The following ZCCHC7 variants were observed in gnomAD, a reference collection of about 807,000 sequenced individuals.
The protein encoded by ZCCHC7 is zinc finger CCHC-type containing 7.
ZCCHC7 carries 35 observed loss-of-function variants against 52.0 expected under a neutral mutation model. That is an observed-to-expected ratio of 0.67 (90% CI 0.51 to 0.89). ZCCHC7 has a LOEUF of 0.89. Ranked by LOEUF, ZCCHC7 falls within the 40% of genes least tolerant of loss-of-function variation. The pLI is 0.00. For missense variants in ZCCHC7, 574 were observed against 649.1 expected (o/e 0.88, Z 1.26); for synonymous variants, 217 against 221.5 (o/e 0.98, Z 0.18).
In ZCCHC7 at chr9:37,311,727, G is replaced by A. The variant is rs116044856; in HGVS notation, c.951+6013G>A. 4.8e-3 allele frequency among the ~76,000 whole-genome samples: 737 copies of A among 152,206 alleles called. 3 individuals carry two copies. Among genetic ancestry groups the A allele is most frequent in the African/African-American group, 0.017 (702 of 41,536 alleles). The stretch of plus-strand genomic sequence containing the variant: ...CGCCCGGCCTTTTTACTTTTTTGAT[G>A]CTAGAAAAATGCTCCCATATCAGCC... On this transcript the variant is annotated intron_variant, in intron 5 of 8. Coordinates refer to ENST00000336755, the MANE Select transcript of ZCCHC7 (RefSeq NM_032226.3).
At chr9:37,200,205 A>G (rs1823561342) in intron 2 of ZCCHC7, among the ~76,000 whole-genome samples, 1 of 150,064 alleles carries the variant, frequency 6.7e-6, no homozygotes, top group African/African-American at 2.5e-5. Context: ...TTTCTTCTCC[A>G]TGTTCACTTC....
chr9:37,142,525 AG>A lies in ZCCHC7; in HGVS notation c.610+15584del, dbSNP rs1843272903. ...TTCTTTATTTTTGCTATTATTTTCT[AG>A]TTACTGTGCTTCACATTTTGATTTC... On this transcript the variant is annotated intron_variant, in intron 2 of 8. Transcript: ENST00000336755. 4.0e-5 allele frequency among the ~76,000 whole-genome samples: 6 copies of A among 151,784 alleles called. No individual in the cohort carries two copies. In the South Asian group the frequency reaches 1.2e-3, roughly 31 times the overall value.
At chr9:37,261,555 T>C (rs1466450886) in intron 2 of ZCCHC7, among the ~76,000 whole-genome samples, 6 of 152,208 alleles carry the variant, frequency 3.9e-5, no homozygotes, top group Admixed American at 3.9e-4. Flanking sequence ...ACTGATTCCT[T>C]GTGTTCTCAG....
At chr9:37,296,109 T>A (rs962976966) in intron 2 of ZCCHC7, among the ~76,000 whole-genome samples, 7 of 152,184 alleles carry the variant, frequency 4.6e-5, no homozygotes, top group African/African-American at 1.7e-4. Flanking sequence ...CTAAATACAT[T>A]GATTTTGAGG....
At chr9:37,132,359 T>C (rs778147055) in intron 2 of ZCCHC7, among the ~76,000 whole-genome samples, 1 of 152,222 alleles carries the variant, frequency 6.6e-6, no homozygotes, top group Non-Finnish European at 1.5e-5. Flanking sequence ...CTTTTTTTAT[T>C]GTGGAAATAT....
At chr9:37,165,304 C>T (rs1345866669) in intron 2 of ZCCHC7, among the ~76,000 whole-genome samples, 1 of 151,744 alleles carries the variant, frequency 6.6e-6, no homozygotes, top group Non-Finnish European at 1.5e-5. Context: ...CTTTCCAATG[C>T]AGATGACTTT....
At chr9:37,205,202 G>A (rs943930157) in intron 2 of ZCCHC7, 24 of 376,096 alleles carry the variant, frequency 6.4e-5, no homozygotes, top group Non-Finnish European at 1.1e-4. Flanking sequence ...TGCCAACAGC[G>A]TGCAGGGTAA....
chr9:37,344,714 C>G (rs1820853280), intron 6 of ZCCHC7, among the ~76,000 whole-genome samples: 1 of 151,838 alleles, frequency 6.6e-6, no homozygotes, highest in Non-Finnish European at 1.5e-5. Flanking sequence ...CTATTTTTCG[C>G]TAATATTTTG....
chr9:37,302,053 G>A (rs2133694434), intron 2 of ZCCHC7, 135 bp from the exon 3 acceptor site: 1 of 699,138 alleles, frequency 1.4e-6, no homozygotes. Flanking sequence ...AGCCAAAATA[G>A]GAATTTCAGG....
intron 2 of ZCCHC7, among the ~76,000 whole-genome samples, chr9:37,203,057 G>C (rs890610853): frequency 1.9e-4 from 29 of 152,136 alleles, no homozygotes; most frequent in Admixed American, 1.4e-3. Context: ...GAAACTACAG[G>C]GGGCAACTAG....
intron 5 of ZCCHC7, among the ~76,000 whole-genome samples, chr9:37,308,541 T>A (rs1230579681): frequency 2.0e-5 from 3 of 152,204 alleles, no homozygotes; most frequent in African/African-American, 7.2e-5. Context: ...CTTAACTTCT[T>A]GATTTTGGCC....
chr9:37,283,227 G>A (rs1828056035), intron 2 of ZCCHC7, among the ~76,000 whole-genome samples: 1 of 152,040 alleles, frequency 6.6e-6, no homozygotes, highest in Non-Finnish European at 1.5e-5. Context: ...CATAATTTGG[G>A]AGAAATAAAG....
chr9:37,244,258 A>G (rs923434942), intron 2 of ZCCHC7, among the ~76,000 whole-genome samples: 6 of 151,322 alleles, frequency 4.0e-5, no homozygotes, highest in East Asian at 1.9e-4. Flanking sequence ...GAAAAAAAAA[A>G]AAAGAAAGAA....
At chr9:37,284,437 A>G (rs904273197) in intron 2 of ZCCHC7, 1 of 152,200 alleles carries the variant, frequency 6.6e-6, no homozygotes, top group African/African-American at 2.4e-5. Flanking sequence ...TCCTAATTAC[A>G]TTTGATCAAT....
intron 5 of ZCCHC7, among the ~76,000 whole-genome samples, chr9:37,314,774 A>G (rs949601837): frequency 5.3e-5 from 8 of 151,364 alleles, no homozygotes; most frequent in African/African-American, 1.9e-4. Flanking sequence ...AAAAAAGTAT[A>G]CATTCCAGAC....
intron 2 of ZCCHC7, among the ~76,000 whole-genome samples, chr9:37,295,948 G>T (rs1316266038): frequency 6.6e-6 from 1 of 152,136 alleles, no homozygotes; most frequent in Non-Finnish European, 1.5e-5. Context: ...AAAGCATTTT[G>T]TTCTATCAGC....
At chr9:37,146,709 AAGAG>A (rs906874899) in intron 2 of ZCCHC7, among the ~76,000 whole-genome samples, 2 of 150,710 alleles carry the variant, frequency 1.3e-5, no homozygotes, top group Non-Finnish European at 3.0e-5. Flanking sequence ...TTTGGAAAAT[AAGAG>A]AGAAGTCTTT....
chr9:37,324,007 T>C (rs1274683568), intron 5 of ZCCHC7, among the ~76,000 whole-genome samples: 3 of 152,190 alleles, frequency 2.0e-5, no homozygotes, highest in South Asian at 4.1e-4. Context: ...AAGATGGTGG[T>C]TGAGTCCAGA....
intron 2 of ZCCHC7, among the ~76,000 whole-genome samples, chr9:37,274,498 C>T (rs1758495215): frequency 6.6e-6 from 1 of 151,718 alleles, no homozygotes; most frequent in South Asian, 2.1e-4. Flanking sequence ...TGCCACCATG[C>T]CCGGCTAATT....
Sources: gnomAD v4.1 joint callset for allele counts (sites outside exome capture counted in the v4.1 genomes callset) on GRCh38, gnomAD v4.1.1 for gene constraint, MANE v1.5 for transcripts, NCBI Gene and HGNC (gene_info 2026-07-23, HGNC 2026-07-21) for gene names.